The following CLASP1 variants were observed in gnomAD, a reference collection of about 807,000 sequenced individuals.
CLASP1 encodes CLIP-associating protein 1.
In CLASP1, 38 loss-of-function variants were observed where a neutral mutation model predicts 192.3. That is an observed-to-expected ratio of 0.20 (90% CI 0.15 to 0.26). The LOEUF (loss-of-function observed/expected upper bound fraction) is 0.26, where lower values mean the gene tolerates loss of function less well. Ranked by LOEUF, CLASP1 falls within the 10% of genes least tolerant of loss-of-function variation. CLASP1 has a pLI of 1.00. For synonymous variants in CLASP1, 691 were observed against 712.8 expected (o/e 0.97, Z 0.49); for missense variants, 1,433 against 1,932.5 (o/e 0.74, Z 4.85).
intron 2 of CLASP1, among the ~76,000 whole-genome samples, chr2:121,583,559 A>G (rs1000934889): frequency 6.6e-6 from 1 of 152,244 alleles, no homozygotes; most frequent in African/African-American, 2.4e-5. Flanking sequence ...TTGGCAAAAT[A>G]TGCAAAGCAA....
In CLASP1 at chr2:121,448,572, A is replaced by G. The variant is rs931007299; in HGVS notation, c.1692-247T>C. ...GACAGAAATTAGAAACACAGAGCAG[A>G]GATGATAATATATTAAGTCACAGAG... On this transcript the variant is annotated intron_variant, in intron 17 of 39. Transcript: ENST00000263710. Among the ~76,000 whole-genome samples the G allele has an allele frequency of 2.0e-5, 3 of 152,346 alleles. 1 individual carries two copies. The highest frequency in any genetic ancestry group is 7.2e-5 in the African/African-American group (3 of 41,578).
intron 8 of CLASP1, among the ~76,000 whole-genome samples, chr2:121,487,401 A>G (rs2093043035): frequency 6.6e-6 from 1 of 152,128 alleles, no homozygotes; most frequent in Non-Finnish European, 1.5e-5. Context: ...ATAACCCAAC[A>G]CGCAGATCAA....
In CLASP1 at chr2:121,531,006, A is replaced by C. The variant is rs758573942; in HGVS notation, c.196-681T>G. The C allele has an allele frequency of 4.3e-6, 3 of 700,220 alleles. No homozygotes were observed. Among genetic ancestry groups the C allele is most frequent in the African/African-American group, 1.7e-5 (1 of 57,188 alleles). 43.4% of individuals were successfully genotyped at this position (700,220 alleles called of 1,614,324 possible). ...CTTTATTTTGGTGCAATTTTTGGAA[A>C]AATGAAAACCTGTTTTCATAGACTT... On this transcript the variant is annotated intron_variant, in intron 2 of 39. Transcript: ENST00000263710.
At chr2:121,364,075 TAA>T (rs1300770781) in intron 36 of CLASP1, 1 of 152,258 alleles carries the variant, frequency 6.6e-6, no homozygotes, top group Non-Finnish European at 1.5e-5. Flanking sequence ...AAAGTATTTT[TAA>T]AAAGTTTTTT....
chr2:121,355,432 C>T (rs1219883324), intron 37 of CLASP1, among the ~76,000 whole-genome samples: 1 of 152,136 alleles, frequency 6.6e-6, no homozygotes, highest in Non-Finnish European at 1.5e-5. Flanking sequence ...CCCGGATGAT[C>T]AAATGTATCT....
intron 30 of CLASP1, among the ~76,000 whole-genome samples, chr2:121,389,469 T>C (rs561242327): frequency 9.5e-4 from 139 of 145,894 alleles, no homozygotes; most frequent in Non-Finnish European, 1.7e-3. Context: ...TTAAAAAACA[T>C]TGTATTAGGT....
chr2:121,644,768 C>T (rs888127235), intron 1 of CLASP1, among the ~76,000 whole-genome samples: 1 of 151,924 alleles, frequency 6.6e-6, no homozygotes, highest in African/African-American at 2.4e-5. Flanking sequence ...CATGGTGAGG[C>T]CCTATCTCTA....
In CLASP1 at chr2:121,387,861, C is replaced by A; in HGVS notation, c.3169G>T (p.Glu1057Ter). ...AAGGCACCAAGTAACATGGTAAATTCAGGAGTATTCAATTCAAACAGAGAG... is the reference window on the plus strand; with the variant it reads ...AAGGCACCAAGTAACATGGTAAATTAAGGAGTATTCAATTCAAACAGAGAG... Residue 1057 changes from glutamate (E) to a stop codon, truncating the protein, a stop_gained, in exon 31 of 40, where the codon GAA (glutamate) becomes TAA (stop). Coordinates refer to ENST00000263710, the Ensembl canonical transcript of CLASP1. LOFTEE classifies it high-confidence loss of function. The A allele has an allele frequency of 6.2e-7, 1 of 1,612,590 alleles. No homozygotes were observed. Among genetic ancestry groups the A allele is most frequent in the South Asian group, 1.1e-5 (1 of 91,056 alleles).
chr2:121,479,225 CTGGAT>C (rs1455357451), intron 8 of CLASP1, among the ~76,000 whole-genome samples: 5 of 151,594 alleles, frequency 3.3e-5, no homozygotes, highest in African/African-American at 1.2e-4. Context: ...AGCATGCAGA[CTGGAT>C]TGGAAGAACT....
chr2:121,581,995 C>T (rs1332234982), intron 2 of CLASP1, among the ~76,000 whole-genome samples: 1 of 151,846 alleles, frequency 6.6e-6, no homozygotes, highest in Non-Finnish European at 1.5e-5. Flanking sequence ...CCAGCCTGTC[C>T]CAACTGAAAA....
At chr2:121,577,290 C>T (rs1056928014) in intron 2 of CLASP1, among the ~76,000 whole-genome samples, 2 of 151,324 alleles carry the variant, frequency 1.3e-5, no homozygotes, top group Middle Eastern at 3.5e-3. Flanking sequence ...GGATAATCAT[C>T]ACAATGCACA....
At chr2:121,448,913 A>T in intron 17 of CLASP1, 40 bp downstream of exon 17, 3 of 1,583,870 alleles carry the variant, frequency 1.9e-6, no homozygotes, top group Non-Finnish European at 2.6e-6. Flanking sequence ...TTTTAAATAC[A>T]AATTCTCACA....
At chr2:121,358,600 C>G (rs980772976) in intron 37 of CLASP1, among the ~76,000 whole-genome samples, 2 of 152,192 alleles carry the variant, frequency 1.3e-5, no homozygotes, top group East Asian at 3.8e-4. Context: ...GCATGAGATA[C>G]CATGCTGGCT....
exon 38 of CLASP1, chr2:121,348,626 C>T (rs555872218): frequency 2.9e-5 from 46 of 1,613,892 alleles, no homozygotes; most frequent in Middle Eastern, 3.3e-4. Flanking sequence ...GGTAGTCGGC[C>T]GTCTGGATGA....
intron 8 of CLASP1, among the ~76,000 whole-genome samples, chr2:121,502,080 T>C (rs1016958591): frequency 1.3e-5 from 2 of 152,204 alleles, no homozygotes; most frequent in Non-Finnish European, 2.9e-5. Context: ...TTTCCTCTCC[T>C]TCTGGAATCA....
At chr2:121,407,068 T>A (rs989353333) in intron 25 of CLASP1, among the ~76,000 whole-genome samples, 3 of 152,044 alleles carry the variant, frequency 2.0e-5, no homozygotes, top group Non-Finnish European at 4.4e-5. Context: ...ATACAAAAAT[T>A]AGCCAGGCGT....
At chr2:121,603,285 A>C (rs2064012051) in intron 2 of CLASP1, 1 of 152,166 alleles carries the variant, frequency 6.6e-6, no homozygotes, top group African/African-American at 2.4e-5. Context: ...ACATTTCTCA[A>C]AGGAAGACAT....
chr2:121,592,039 A>T (rs2062460951), intron 2 of CLASP1, among the ~76,000 whole-genome samples: 1 of 152,176 alleles, frequency 6.6e-6, no homozygotes, highest in South Asian at 2.1e-4. Context: ...TGTTCAATAG[A>T]TAACTTGGCA....
At chr2:121,465,648 T>C (rs1473601156) in intron 9 of CLASP1, among the ~76,000 whole-genome samples, 1 of 152,060 alleles carries the variant, frequency 6.6e-6, no homozygotes, top group Non-Finnish European at 1.5e-5. Flanking sequence ...AATGACTTTC[T>C]TCACAGAATT....
Sources: gnomAD v4.1 joint callset for allele counts (sites outside exome capture counted in the v4.1 genomes callset) on GRCh38, gnomAD v4.1.1 for gene constraint, MANE v1.5 for transcripts, NCBI Gene and HGNC (gene_info 2026-07-23, HGNC 2026-07-21) for gene names.